The following RASSF3 variants were observed in gnomAD, a reference collection of about 807,000 sequenced individuals.
RASSF3 encodes the protein Ras association domain family member 3.
In RASSF3, 19 loss-of-function variants were observed where a neutral mutation model predicts 19.9. The ratio of observed to expected loss-of-function variants is 0.96; its 90% CI spans 0.67 to 1.40. The LOEUF (loss-of-function observed/expected upper bound fraction) is 1.40, where lower values mean the gene tolerates loss of function less well. RASSF3 is among the 40% of genes most tolerant of loss of function. The probability of loss-of-function intolerance (pLI) is 0.00; values close to 1 mark genes in which losing one functional copy is unlikely to be tolerated. For synonymous variants in RASSF3, 110 were observed against 104.2 expected (o/e 1.06, Z -0.34); for missense variants, 306 against 289.8 (o/e 1.06, Z -0.41).
intron 2 of RASSF3, among the ~76,000 whole-genome samples, chr12:64,568,515 C>CA (rs1869468606): frequency 6.6e-6 from 1 of 152,178 alleles, no homozygotes; most frequent in African/African-American, 2.4e-5. Context: ...ACGGCCCCAA[C>CA]ACACCATGTG....
chr12:64,681,565 G>T (rs1404497390), intron 1 of RASSF3, among the ~76,000 whole-genome samples: 1 of 152,144 alleles, frequency 6.6e-6, no homozygotes, highest in Non-Finnish European at 1.5e-5. Flanking sequence ...GTCCCTTATT[G>T]TACACTTTTT....
intron 1 of RASSF3, among the ~76,000 whole-genome samples, chr12:64,524,266 T>A (rs1440829431): frequency 1.4e-4 from 19 of 138,164 alleles, no homozygotes; most frequent in Admixed American, 1.3e-3. Flanking sequence ...TTATTTATTT[T>A]TGTAGAATCA....
chr12:64,644,218 T>C (rs1871648023), intron 1 of RASSF3, among the ~76,000 whole-genome samples: 1 of 152,204 alleles, frequency 6.6e-6, no homozygotes. Context: ...ATATTCTAAA[T>C]ATCCTATGCC....
intron 2 of RASSF3, among the ~76,000 whole-genome samples, chr12:64,580,845 G>A (rs74585872): frequency 1.3e-5 from 2 of 152,012 alleles, no homozygotes; most frequent in Non-Finnish European, 2.9e-5. Flanking sequence ...GATATCAATT[G>A]TACTAGATTA....
intron 1 of RASSF3, among the ~76,000 whole-genome samples, chr12:64,650,500 C>G (rs1871911033): frequency 1.4e-5 from 2 of 142,956 alleles, no homozygotes; most frequent in South Asian, 4.6e-4. Flanking sequence ...ACTGCAACCT[C>G]TGCCTCCCAG....
At chr12:64,694,523 A>G (rs1868326799) in intron 4 of RASSF3, among the ~76,000 whole-genome samples, 1 of 152,132 alleles carries the variant, frequency 6.6e-6, no homozygotes, top group Non-Finnish European at 1.5e-5. Flanking sequence ...TCTGGCTTTT[A>G]GGGAGATCGT....
At chr12:64,602,205 G>A (rs990547108) in intron 2 of RASSF3, among the ~76,000 whole-genome samples, 2 of 151,914 alleles carry the variant, frequency 1.3e-5, no homozygotes, top group African/African-American at 4.8e-5. Flanking sequence ...GGGAGGTTGA[G>A]GTGGGAGGAT....
At chr12:64,586,964 T>TA (rs1869815518) in intron 2 of RASSF3, among the ~76,000 whole-genome samples, 1 of 151,388 alleles carries the variant, frequency 6.6e-6, no homozygotes, top group Non-Finnish European at 1.5e-5. Flanking sequence ...TACCCCAAAC[T>TA]ACTCAGCTCA....
upstream of RASSF3, among the ~76,000 whole-genome samples, chr12:64,606,529 C>T (rs1870195435): frequency 6.6e-6 from 1 of 152,158 alleles, no homozygotes; most frequent in Admixed American, 6.6e-5. Flanking sequence ...GAACCTGAGG[C>T]ATAGAGAAGT....
chr12:64,579,871 G>A (rs976066716), intron 2 of RASSF3, among the ~76,000 whole-genome samples: 1 of 148,892 alleles, frequency 6.7e-6, no homozygotes, highest in East Asian at 2.0e-4. Flanking sequence ...GTGGAATGCA[G>A]TGGCGCAATC....
rs777780609 is a variant in RASSF3, at chr12:64,688,349, C to G, written c.353C>G (p.Thr118Arg). ...GCMNTLHISS[T>R]NTVGEVIEAL... ...ATGAATACACTTCATATCAGCAGCA[C>G]AAACACTGTCGGGGAAGTGATCGAG... Residue 118 changes from threonine to arginine, a missense_variant, in exon 3 of 5, where the codon ACA becomes AGA. Physicochemically the swap from Thr to Arg is moderately conservative, Grantham distance 71 (BLOSUM62 -1). Transcript: ENST00000542104. The G allele has an allele frequency of 1.5e-5, 24 of 1,614,116 alleles. No individual in the cohort carries two copies. In the East Asian group the frequency reaches 2.2e-4, roughly 15 times the overall value.
At chr12:64,667,627 C>A (rs1203571164) in intron 1 of RASSF3, among the ~76,000 whole-genome samples, 1 of 152,224 alleles carries the variant, frequency 6.6e-6, no homozygotes, top group Non-Finnish European at 1.5e-5. Context: ...TCTTTCCCTG[C>A]CTGTGTCCTG....
intron 1 of RASSF3, among the ~76,000 whole-genome samples, chr12:64,513,033 A>G (rs1420689138): frequency 6.6e-6 from 1 of 152,140 alleles, no homozygotes; most frequent in Non-Finnish European, 1.5e-5. Context: ...TGAAATGTAT[A>G]AACAGAAGCT....
chr12:64,553,363 T>C (rs1211342988), intron 2 of RASSF3, among the ~76,000 whole-genome samples: 5 of 152,168 alleles, frequency 3.3e-5, no homozygotes, highest in African/African-American at 4.8e-5. Flanking sequence ...TAAATATTCC[T>C]GACATTGGGC....
intron 4 of RASSF3, 39 bp downstream of exon 4, chr12:64,691,618 C>T (rs770385374): frequency 1.8e-6 from 2 of 1,120,262 alleles, no homozygotes; most frequent in East Asian, 3.3e-5. Context: ...CTATACAGAA[C>T]AGCTGGCCCT....
chr12:64,682,996 G>C (rs1421111128), intron 1 of RASSF3, among the ~76,000 whole-genome samples: 1 of 152,240 alleles, frequency 6.6e-6, no homozygotes, highest in Non-Finnish European at 1.5e-5. Flanking sequence ...CTGGATTAAA[G>C]TGGAACTTGG....
chr12:64,611,763 T>G (rs1870374268), intron 1 of RASSF3: 1 of 152,294 alleles, frequency 6.6e-6, no homozygotes, highest in South Asian at 2.1e-4. Context: ...AGGGGCCGGA[T>G]GATAACTTCT....
chr12:64,508,388 G>A (rs1199376943), intron 1 of RASSF3, among the ~76,000 whole-genome samples: 1 of 151,550 alleles, frequency 6.6e-6, no homozygotes, highest in South Asian at 2.1e-4. Flanking sequence ...ATGGTGGCTG[G>A]TGCCTGTAAT....
At chr12:64,536,240 G>C (rs1363598987) in intron 1 of RASSF3, among the ~76,000 whole-genome samples, 1 of 148,932 alleles carries the variant, frequency 6.7e-6, no homozygotes, top group Non-Finnish European at 1.5e-5. Context: ...TCGATCTCCT[G>C]ACCTCGTGAT....
Sources: allele counts gnomAD v4.1 joint callset (sites outside exome capture counted in the v4.1 genomes callset), GRCh38; gene constraint gnomAD v4.1.1; transcripts MANE v1.5; gene names NCBI Gene and HGNC (gene_info 2026-07-23, HGNC 2026-07-21).